The following SLC25A30 variants were observed in gnomAD, a reference collection of about 807,000 sequenced individuals.
The protein encoded by SLC25A30 is kidney mitochondrial carrier protein 1.
In SLC25A30, 29 loss-of-function variants were observed where a neutral mutation model predicts 42.7. That is an observed-to-expected ratio of 0.68 (90% CI 0.51 to 0.93). The LOEUF (loss-of-function observed/expected upper bound fraction) is 0.93, where lower values mean the gene tolerates loss of function less well. Among genes scored for constraint, SLC25A30 ranks in the 40% least tolerant of loss-of-function variants. The pLI is 0.00. For synonymous variants in SLC25A30, 124 were observed against 131.0 expected, an observed-to-expected ratio of 0.95 and a Z score of 0.37; for missense variants, 300 against 359.7, an observed-to-expected ratio of 0.83 and a Z score of 1.34.
At chr13:45,417,709 T>C (rs1014284038) in intron 1 of SLC25A30, among the ~76,000 whole-genome samples, 9 of 152,208 alleles carry the variant, frequency 5.9e-5, no homozygotes, top group South Asian at 2.1e-4. Flanking sequence ...GTGCCAACAT[T>C]GTTTGCTACT....
the SLC25A30 span, among the ~76,000 whole-genome samples, chr13:45,424,903 T>TAAATATATAA: frequency 3.3e-5 from 1 of 30,102 alleles, no homozygotes; most frequent in African/African-American, 1.1e-4. Context: ...TAAATATATA[T>TAAATATATAA]AAATATATAT....
intron 3 of SLC25A30, among the ~76,000 whole-genome samples, chr13:45,407,488 AGGTAGAG>A (rs1882629028): frequency 6.6e-6 from 1 of 151,988 alleles, no homozygotes; most frequent in Non-Finnish European, 1.5e-5. Context: ...TGAGCCTGGG[AGGTAGAG>A]GCTGCTGTAA....
In SLC25A30 at chr13:45,394,621, G is replaced by T. The variant is rs1881179178; in HGVS notation, c.*1353C>A. 1.0e-6 allele frequency: 1 copy of T among 985,338 alleles called. No individual in the cohort carries two copies. The highest frequency in any genetic ancestry group is 1.2e-6 in the Non-Finnish European group (1 of 829,910). The allele number at this position is 985,338 out of a possible 1,614,324, so 61.0% of individuals were successfully genotyped here. ...TCACAGTCATCTTTTATTTTGAAAAGACTAAGATGAAGACAAGAAGGAAGA... is the reference window on the plus strand; with the variant it reads ...TCACAGTCATCTTTTATTTTGAAAATACTAAGATGAAGACAAGAAGGAAGA... On this transcript the variant is annotated 3_prime_UTR_variant, in exon 10 of 10. Coordinates refer to ENST00000519676, the MANE Select transcript of SLC25A30 (RefSeq NM_001010875.4).
At chr13:45,396,306 C>T in intron 9 of SLC25A30, 2 of 1,281,610 alleles carry the variant, frequency 1.6e-6, no homozygotes, top group Admixed American at 3.3e-5. Context: ...GAAAAACTTT[C>T]CAGCACTGTA....
At chr13:45,423,695 A>AAATACATATTTATAAAAT in the SLC25A30 span, among the ~76,000 whole-genome samples, 1 of 4,080 alleles carries the variant, frequency 2.5e-4, no homozygotes, top group African/African-American at 8.2e-4. Context: ...AATATATATA[A>AAATACATATTTATAAAAT]ATATATAAAT....
chr13:45,398,153 G>T, intron 8 of SLC25A30: 1 of 554,128 alleles, frequency 1.8e-6, no homozygotes, highest in Non-Finnish European at 2.3e-6. Flanking sequence ...CACGTTCTTT[G>T]CAGCAACATG....
At position 45,405,865 on chromosome 13, in the gene SLC25A30, A is replaced by C. The variant is rs759443876; in HGVS notation, c.307+18T>G. ...AACCAACCTCCTGTCCACAGTGGAAAACAGATTCCCCACTCACCTTCTGGG... is the reference window on the plus strand; with the variant it reads ...AACCAACCTCCTGTCCACAGTGGAACACAGATTCCCCACTCACCTTCTGGG... On this transcript the variant is annotated intron_variant, in intron 4 of 9. Transcript: ENST00000519676. 2.5e-6 allele frequency: 4 copies of C among 1,613,026 alleles called. No individual in the cohort carries two copies. Among genetic ancestry groups the C allele is most frequent in the Non-Finnish European group, 3.4e-6 (4 of 1,179,204 alleles).
At position 45,404,265 on chromosome 13, in the gene SLC25A30, G is replaced by A. The variant is rs952033657; in HGVS notation, c.393+62C>T. 53 of 1,134,580 alleles carry A rather than the reference G, an allele frequency of 4.7e-5. 1 individual carries two copies. The highest frequency in any genetic ancestry group is 4.2e-4 in the South Asian group (34 of 81,230). The allele number at this position is 1,134,580 out of a possible 1,614,324, so 70.3% of individuals were successfully genotyped here. Reference sequence around the variant, plus strand: ...GTTACATTCACAGATTCCATTACCCGAATGTTGTTCTCAATAAGAAAATGT... The same window carrying A: ...GTTACATTCACAGATTCCATTACCCAAATGTTGTTCTCAATAAGAAAATGT... On this transcript the variant is annotated intron_variant, in intron 5 of 9. Coordinates refer to ENST00000519676, the MANE Select transcript of SLC25A30 (RefSeq NM_001010875.4).
In SLC25A30 at chr13:45,395,472, C is replaced by T. The variant is rs1881236082; in HGVS notation, c.*502G>A. 2.0e-6 allele frequency: 2 copies of T among 993,030 alleles called. No homozygotes were observed. Among genetic ancestry groups the T allele is most frequent in the Non-Finnish European group, 2.4e-6 (2 of 834,046 alleles). 61.5% of individuals were successfully genotyped at this position (993,030 alleles called of 1,614,324 possible). A position where few individuals can be genotyped will look rare whatever the true frequency, so the allele number is the denominator to read the frequency against. On this transcript the variant is annotated 3_prime_UTR_variant, in exon 10 of 10. Transcript: ENST00000519676. ...GATCCATTTCCTGCACCGTTTATAC[C>T]TGGGGTTGAACAGTCCAGGTCTCCA...
rs1302139327 is a variant in SLC25A30, at chr13:45,393,583, G to T, written c.*2391C>A. On this transcript the variant is annotated 3_prime_UTR_variant, in exon 10 of 10. Coordinates refer to ENST00000519676, the MANE Select transcript of SLC25A30 (RefSeq NM_001010875.4). The stretch of plus-strand genomic sequence containing the variant: ...AAAAACCCATTGGTTATAAAAACTA[G>T]AATTCCTTTTGGCATATTTAAGAAA... 2 of 985,186 alleles carry T rather than the reference G, an allele frequency of 2.0e-6. No individual in the cohort carries two copies. Among genetic ancestry groups the T allele is most frequent in the African/African-American group, 3.5e-5 (2 of 57,208 alleles). The allele number at this position is 985,186 out of a possible 1,614,324, so 61.0% of individuals were successfully genotyped here.
the SLC25A30 span, among the ~76,000 whole-genome samples, chr13:45,425,989 G>T: frequency 6.8e-6 from 1 of 146,232 alleles, no homozygotes. Flanking sequence ...CACTTCGCCT[G>T]GTCAGTTTAT....
chr13:45,408,895 A>C (rs1398491524), intron 3 of SLC25A30, 32 bp downstream of exon 3: 1 of 1,576,068 alleles, frequency 6.3e-7, no homozygotes. Context: ...AACAGTGAAC[A>C]GTGACACAGA....
At chr13:45,424,435 A>C in the SLC25A30 span, among the ~76,000 whole-genome samples, 1 of 61,386 alleles carries the variant, frequency 1.6e-5, no homozygotes, top group Non-Finnish European at 2.9e-5. Context: ...GAATATATAT[A>C]TAAATATATA....
the SLC25A30 span, among the ~76,000 whole-genome samples, chr13:45,432,866 C>CA: frequency 1.7e-3 from 234 of 136,590 alleles, 1 homozygote; most frequent in Middle Eastern, 0.025. Context: ...CAGTCTCTAC[C>CA]AAAAAAAAAA....
chr13:45,430,139 T>C, the SLC25A30 span, among the ~76,000 whole-genome samples: 7 of 152,242 alleles, frequency 4.6e-5, no homozygotes, highest in African/African-American at 1.7e-4. Context: ...CATAGTATAC[T>C]ATACGGCTCA....
intron 1 of SLC25A30, among the ~76,000 whole-genome samples, chr13:45,414,037 T>C (rs1883262437): frequency 6.6e-6 from 1 of 152,200 alleles, no homozygotes. Flanking sequence ...ATGAATCACA[T>C]GCCCATTCAT....
At chr13:45,396,974 T>C (rs1171522333) in intron 9 of SLC25A30, 5 of 338,306 alleles carry the variant, frequency 1.5e-5, no homozygotes, top group African/African-American at 2.2e-5. Flanking sequence ...CCTCTCTCTC[T>C]CTCTGAAATC....
At position 45,409,045 on chromosome 13, in the gene SLC25A30, G is replaced by C; in HGVS notation, c.94C>G (p.Arg32Gly). Residue 32 changes from arginine (R) to glycine (G), a missense_variant, in exon 3 of 10, where the codon CGG (arginine) becomes GGG (glycine). Transcript: ENST00000519676. ...GTFPIDLTKT[R>G]LQIQGQTNDA... Reference sequence around the variant, plus strand: ...TTCGTCTGGCCTTGAATCTGGAGCCGTGTCTTGGTTAAATCAATTGGAAAT... The same window carrying C: ...TTCGTCTGGCCTTGAATCTGGAGCCCTGTCTTGGTTAAATCAATTGGAAAT... The C allele has an allele frequency of 1.2e-6, 2 of 1,609,952 alleles. No homozygotes were observed. The highest frequency in any genetic ancestry group is 1.7e-6 in the Non-Finnish European group (2 of 1,178,564).
At chr13:45,433,988 A>G in the SLC25A30 span, among the ~76,000 whole-genome samples, 1 of 152,184 alleles carries the variant, frequency 6.6e-6, no homozygotes, top group East Asian at 1.9e-4. Context: ...GCTGGGCGCA[A>G]TGGTTCATGC....
Sources: allele counts gnomAD v4.1 joint callset (sites outside exome capture counted in the v4.1 genomes callset), GRCh38; gene constraint gnomAD v4.1.1; transcripts MANE v1.5; gene names NCBI Gene and HGNC (gene_info 2026-07-23, HGNC 2026-07-21).